The following TMEM98 variants were observed in gnomAD, a reference collection of about 807,000 sequenced individuals.
TMEM98 encodes transmembrane protein 98.
A neutral mutation model predicts 25.0 loss-of-function variants in TMEM98; 18 were observed. That is an observed-to-expected ratio of 0.72 (90% CI 0.50 to 1.07). The LOEUF (loss-of-function observed/expected upper bound fraction) is 1.07, where lower values mean the gene tolerates loss of function less well. TMEM98 is among the 50% of genes least tolerant of loss of function. The pLI, the probability that TMEM98 is intolerant of heterozygous loss-of-function variation, is 0.00. For missense variants in TMEM98, 241 were observed against 289.0 expected, an observed-to-expected ratio of 0.83 and a Z score of 1.20; for synonymous variants, 103 against 112.4, an observed-to-expected ratio of 0.92 and a Z score of 0.53.
At position 32,931,557 on chromosome 17, in the gene TMEM98, G is replaced by T. The variant is rs927122365; in HGVS notation, c.29G>T (p.Gly10Val). Residue 10 changes from glycine to valine, a missense_variant, in exon 3 of 8, where the codon GGT becomes GTT. By Grantham distance (109) the Gly-to-Val change is moderately radical (BLOSUM62 -3). Coordinates refer to ENST00000579849, the MANE Select transcript of TMEM98 (RefSeq NM_015544.3). METVVIVAIGVLATIFLASF... is the reference protein window; with the variant it reads METVVIVAIVVLATIFLASF... ...GAGACTGTGGTGATTGTTGCCATAGGTGTGCTGGCCACCATCTTTCTGGCT... is the reference window on the plus strand; with the variant it reads ...GAGACTGTGGTGATTGTTGCCATAGTTGTGCTGGCCACCATCTTTCTGGCT... 6.2e-7 allele frequency: 1 copy of T among 1,605,258 alleles called. No homozygotes were observed. Among genetic ancestry groups the T allele is most frequent in the African/African-American group, 1.3e-5 (1 of 74,850 alleles).
chr17:32,931,732 A>G, intron 3 of TMEM98, 73 bp downstream of exon 3: 3 of 1,528,570 alleles, frequency 2.0e-6, no homozygotes, highest in South Asian at 1.2e-5. Context: ...CACGTAGTTC[A>G]GTGTTGGGCA....
intron 3 of TMEM98, 145 bp from the exon 4 acceptor site, chr17:32,933,029 C>T (rs745520672): frequency 8.1e-7 from 1 of 1,229,688 alleles, no homozygotes; most frequent in Non-Finnish European, 1.1e-6. Context: ...CCCCACTAGG[C>T]TTAGGTTTGG....
In TMEM98 at chr17:32,931,603, G is replaced by A. The variant is rs139991977; in HGVS notation, c.75G>A (p.Leu25=). 334 of 1,604,460 alleles carry A rather than the reference G, an allele frequency of 2.1e-4. No homozygotes were observed. Among genetic ancestry groups the A allele is most frequent in the Non-Finnish European group, 2.7e-4 (312 of 1,175,946 alleles). The part of the protein sequence containing the change: ...IFLASFAALV[L]VCRQRYCRPR... ...TGGCTTCGTTTGCAGCCTTGGTGCT[G>A]GTTTGCAGGCAGCGCTACTGCCGGC... Residue 25 remains leucine (L), a synonymous_variant, in exon 3 of 8, where the codon CTG becomes CTA. Transcript: ENST00000579849.
chr17:32,928,417 G>C (rs1000678310), intron 1 of TMEM98, among the ~76,000 whole-genome samples, 180 bp downstream of exon 1: 10 of 147,228 alleles, frequency 6.8e-5, no homozygotes, highest in African/African-American at 2.4e-4. Flanking sequence ...GAGCGCTCCG[G>C]GGCCCGTGCG....
chr17:32,929,788 CT>C (rs779804007), intron 1 of TMEM98, among the ~76,000 whole-genome samples: 4 of 152,148 alleles, frequency 2.6e-5, no homozygotes, highest in Non-Finnish European at 5.9e-5. Context: ...CCTGCTCATC[CT>C]TCAAAACCCA....
At position 32,942,138 on chromosome 17, in the gene TMEM98, C is replaced by T. The variant is rs961821787; in HGVS notation, c.*1145C>T. The stretch of plus-strand genomic sequence containing the variant: ...GAAGTAGTTTCCACATTAACAATAG[C>T]AATGACTTGAACGATGTGTTCCCCC... On this transcript the variant is annotated 3_prime_UTR_variant, in exon 8 of 8. Transcript: ENST00000579849. 6.6e-6 allele frequency: 1 copy of T among 152,192 alleles called. No homozygotes were observed. Among genetic ancestry groups the T allele is most frequent in the African/African-American group, 2.4e-5 (1 of 41,434 alleles). 9.4% of individuals were successfully genotyped at this position (152,192 alleles called of 1,614,324 possible).
At chr17:32,929,506 G>A (rs1255814972) in intron 1 of TMEM98, among the ~76,000 whole-genome samples, 1 of 151,980 alleles carries the variant, frequency 6.6e-6, no homozygotes, top group Admixed American at 6.6e-5. Flanking sequence ...CATAAGAGGA[G>A]GCAGAAAACA....
chr17:32,928,305 C>T (rs1451287368), intron 1 of TMEM98, 68 bp downstream of exon 1: 1 of 150,470 alleles, frequency 6.6e-6, no homozygotes, highest in Non-Finnish European at 1.5e-5. Context: ...GGCGCGGGGC[C>T]TGGCCCGGCT....
Position 32,941,251 on chromosome 17 carries a change from T to G in TMEM98, c.*258T>G, listed in dbSNP as rs573428037. ...CTGCAAGAGGAGTATTGAAAACTGG[T>G]GGACTGTCAGCTTTATTTAGCTCAC... is the stretch of plus-strand genomic sequence containing the variant. On this transcript the variant is annotated 3_prime_UTR_variant, in exon 8 of 8. Coordinates refer to ENST00000579849, the MANE Select transcript of TMEM98 (RefSeq NM_015544.3). 2.5e-5 allele frequency: 8 copies of G among 323,320 alleles called. No individual in the cohort carries two copies. The South Asian group carries it at 5.7e-4, about 23-fold the overall frequency. The allele number at this position is 323,320 out of a possible 1,614,324, so 20.0% of individuals were successfully genotyped here.
chr17:32,937,517 G>A (rs1014206214), intron 6 of TMEM98, among the ~76,000 whole-genome samples: 8 of 152,182 alleles, frequency 5.3e-5, no homozygotes, highest in African/African-American at 1.9e-4. Flanking sequence ...TAGCCACATG[G>A]TCAGCCCCTG....
At chr17:32,934,202 G>T (rs758162982) in intron 4 of TMEM98, 89 bp from the exon 5 acceptor site, 2 of 1,462,258 alleles carry the variant, frequency 1.4e-6, no homozygotes, top group South Asian at 1.1e-5. Context: ...TGTGCCCACC[G>T]GTCAGGGCAA....
intron 5 of TMEM98, among the ~76,000 whole-genome samples, chr17:32,935,573 G>C (rs2091491776): frequency 6.6e-6 from 1 of 152,112 alleles, no homozygotes; most frequent in Non-Finnish European, 1.5e-5. Context: ...TCTGTGGTGG[G>C]AGCTGGGAGA....
At chr17:32,935,629 C>A (rs1489489824) in intron 5 of TMEM98, among the ~76,000 whole-genome samples, 2 of 152,064 alleles carry the variant, frequency 1.3e-5, no homozygotes, top group African/African-American at 4.8e-5. Flanking sequence ...TTCTTTCTGC[C>A]CTCTACTGTC....
chr17:32,941,096 C>A lies in TMEM98; in HGVS notation c.*103C>A. On this transcript the variant is annotated 3_prime_UTR_variant, in exon 8 of 8. Coordinates refer to ENST00000579849, the MANE Select transcript of TMEM98 (RefSeq NM_015544.3). The stretch of plus-strand genomic sequence containing the variant: ...CTATAGAGTTAGTTGTTCTCCACGG[C>A]TGGAGAGTTCAGCTGTGTGTGCATA... The A allele has an allele frequency of 2.0e-6, 2 of 984,024 alleles. No individual in the cohort carries two copies. Among genetic ancestry groups the A allele is most frequent in the Non-Finnish European group, 2.9e-6 (2 of 678,798 alleles). The allele number at this position is 984,024 out of a possible 1,614,324, so 61.0% of individuals were successfully genotyped here.
At chr17:32,933,027 G>A in intron 3 of TMEM98, 147 bp from the exon 4 acceptor site, 1 of 1,203,696 alleles carries the variant, frequency 8.3e-7, no homozygotes, top group South Asian at 1.7e-5. Context: ...AGCCCCACTA[G>A]GCTTAGGTTT....
intron 1 of TMEM98, 102 bp from the exon 2 acceptor site, chr17:32,931,223 AAC>A (rs2091467010): frequency 3.5e-6 from 1 of 281,896 alleles, no homozygotes; most frequent in Non-Finnish European, 6.7e-6. Context: ...AACAAACACA[AAC>A]AAACAAACAA....
rs1489047903 is a variant in TMEM98, at chr17:32,928,191, CCAT to C, written c.-175_-173del. 1 of 148,852 alleles carries C rather than the reference CCAT, an allele frequency of 6.7e-6. No homozygotes were observed. The highest frequency in any genetic ancestry group is 2.0e-4 in the East Asian group (1 of 5,058). The allele number at this position is 148,852 out of a possible 1,614,324, so 9.2% of individuals were successfully genotyped here. On this transcript the variant is annotated 5_prime_UTR_variant, in exon 1 of 8. Coordinates refer to ENST00000579849, the MANE Select transcript of TMEM98 (RefSeq NM_015544.3). ...GGCCCGCGCCCGCGCCCGGACTTTG[CCAT>C]CGGCGGGGCAGTCGCGGGATGCGCC...
At chr17:32,931,774 T>C in intron 3 of TMEM98, 115 bp downstream of exon 3, 1 of 1,354,834 alleles carries the variant, frequency 7.4e-7, no homozygotes, top group Non-Finnish European at 9.9e-7. Flanking sequence ...TCTAAAATGG[T>C]ACCTGCAGGT....
In TMEM98 at chr17:32,942,185, G is replaced by C. The variant is rs190955632; in HGVS notation, c.*1192G>C. ...CCCCTTTCTTCTGATATTAATATCTGTTCATTTTGCAAACATTGAAAGATT... is the reference window on the plus strand; with the variant it reads ...CCCCTTTCTTCTGATATTAATATCTCTTCATTTTGCAAACATTGAAAGATT... On this transcript the variant is annotated 3_prime_UTR_variant, in exon 8 of 8. Transcript: ENST00000579849. 1 of 152,152 alleles carries C rather than the reference G, an allele frequency of 6.6e-6. No individual in the cohort carries two copies. The highest frequency in any genetic ancestry group is 2.4e-5 in the African/African-American group (1 of 41,420). 9.4% of individuals were successfully genotyped at this position (152,152 alleles called of 1,614,324 possible). A position where few individuals can be genotyped will look rare whatever the true frequency, so the allele number is the denominator to read the frequency against.
Sources: allele counts gnomAD v4.1 joint callset (sites outside exome capture counted in the v4.1 genomes callset), GRCh38; gene constraint gnomAD v4.1.1; transcripts MANE v1.5; gene names NCBI Gene and HGNC (gene_info 2026-07-23, HGNC 2026-07-21).